The following CCDC148 variants were observed in gnomAD, a reference collection of about 807,000 sequenced individuals.
CCDC148 encodes the protein coiled-coil domain containing 148, also known as coiled-coil domain-containing protein 148.
A neutral mutation model predicts 85.7 loss-of-function variants in CCDC148; 89 were observed. The ratio of observed to expected loss-of-function variants is 1.04; its 90% CI spans 0.87 to 1.24. The LOEUF is 1.24. Among genes scored for constraint, CCDC148 ranks in the 50% most tolerant of loss-of-function variants. CCDC148 has a pLI of 0.00. For missense variants in CCDC148, 692 were observed against 671.7 expected (o/e 1.03, Z -0.33); for synonymous variants, 230 against 213.9 (o/e 1.08, Z -0.66).
chr2:158,289,805 C>A (rs1338660190), intron 9 of CCDC148, among the ~76,000 whole-genome samples: 1 of 152,112 alleles, frequency 6.6e-6, no homozygotes, highest in South Asian at 2.1e-4. Context: ...GTAGAGATAA[C>A]CCAAATGTCT....
chr2:158,363,974 T>C (rs1342746538), intron 1 of CCDC148, among the ~76,000 whole-genome samples: 1 of 152,190 alleles, frequency 6.6e-6, no homozygotes, highest in African/African-American at 2.4e-5. Flanking sequence ...AGTCTCAGGA[T>C]ACAAAATCAA....
At chr2:158,305,494 T>G (rs746592607) in intron 9 of CCDC148, among the ~76,000 whole-genome samples, 1 of 152,026 alleles carries the variant, frequency 6.6e-6, no homozygotes, top group Non-Finnish European at 1.5e-5. Flanking sequence ...ACCTGCAATC[T>G]CCGTGCTTTG....
At chr2:158,360,796 C>A (rs1259422482) in intron 1 of CCDC148, among the ~76,000 whole-genome samples, 47 of 151,852 alleles carry the variant, frequency 3.1e-4, no homozygotes, top group Admixed American at 3.1e-3. Flanking sequence ...ACCTCGTCAG[C>A]AAGGGAACAA....
chr2:158,190,386 G>A (rs964731923), intron 11 of CCDC148, among the ~76,000 whole-genome samples: 3 of 151,920 alleles, frequency 2.0e-5, no homozygotes, highest in African/African-American at 7.3e-5. Flanking sequence ...TTTATACAAA[G>A]TGCCATATAT....
Position 158,340,379 on chromosome 2 carries a change from CT to C in CCDC148, c.348del (p.Glu117AsnfsTer10), listed in dbSNP as rs776415534. On this transcript the variant is annotated frameshift_variant, in exon 5 of 14. Coordinates refer to ENST00000283233, the MANE Select transcript of CCDC148 (RefSeq NM_138803.4). LOFTEE classifies it high-confidence loss of function. ...TTTTTAAGATATGTGCACTGTTGTTCTGATAGCTCTTGCTCTATGGTGAAAC... is the reference window on the plus strand; with the variant it reads ...TTTTTAAGATATGTGCACTGTTGTTCGATAGCTCTTGCTCTATGGTGAAAC... ...CDLTNFEQEL[S>X]EQQCTYLKNV... The C allele has an allele frequency of 9.0e-5, 146 of 1,613,566 alleles. No individual in the cohort carries two copies. The highest frequency in any genetic ancestry group is 1.1e-4 in the Non-Finnish European group (134 of 1,179,858).
chr2:158,197,560 A>G (rs558236638), intron 11 of CCDC148, among the ~76,000 whole-genome samples: 1 of 152,238 alleles, frequency 6.6e-6, no homozygotes, highest in East Asian at 1.9e-4. Flanking sequence ...CCTGTCTAAA[A>G]CCCCATTTCT....
At chr2:158,173,486 G>A (rs1369268111) in intron 13 of CCDC148, among the ~76,000 whole-genome samples, 1 of 152,070 alleles carries the variant, frequency 6.6e-6, no homozygotes, top group Non-Finnish European at 1.5e-5. Flanking sequence ...ATAAATTAAG[G>A]TGGCAGGGAA....
At chr2:158,291,795 G>C (rs1337449361) in intron 9 of CCDC148, among the ~76,000 whole-genome samples, 1 of 152,126 alleles carries the variant, frequency 6.6e-6, no homozygotes, top group Non-Finnish European at 1.5e-5. Context: ...CACAAGGTAG[G>C]TGCACAAAAA....
intron 10 of CCDC148, among the ~76,000 whole-genome samples, chr2:158,223,815 T>C (rs1476608997): frequency 6.6e-6 from 1 of 152,004 alleles, no homozygotes; most frequent in South Asian, 2.1e-4. Context: ...CAAAACCCCA[T>C]CTGTATGTCA....
chr2:158,288,810 A>T (rs1336838443), intron 9 of CCDC148: 1 of 375,302 alleles, frequency 2.7e-6, no homozygotes, highest in South Asian at 2.1e-5. Context: ...GTCCATTTTC[A>T]TGCTGCTGAT....
At chr2:158,266,847 T>C (rs182803297) in intron 9 of CCDC148, among the ~76,000 whole-genome samples, 8 of 148,060 alleles carry the variant, frequency 5.4e-5, no homozygotes, top group African/African-American at 2.0e-4. Context: ...CATATATGTG[T>C]GTGTGTCTGT....
In CCDC148 at chr2:158,295,741, A is replaced by T. The variant is rs1691155253; in HGVS notation, c.1110+13692T>A. ...GACGTATTTCAAAATAATAAGAGCT[A>T]TCTATGACAAACCCACAGCCAATAT... On this transcript the variant is annotated intron_variant, in intron 9 of 13. Coordinates refer to ENST00000283233, the MANE Select transcript of CCDC148 (RefSeq NM_138803.4). Among the ~76,000 whole-genome samples the T allele has an allele frequency of 2.0e-5, 3 of 149,414 alleles. No homozygotes were observed. The Admixed American group carries it at 2.0e-4, about 10-fold the overall frequency.
At position 158,325,468 on chromosome 2, in the gene CCDC148, T is replaced by G. The variant is rs554895624; in HGVS notation, c.765-11574A>C. Among the ~76,000 whole-genome samples the G allele has an allele frequency of 3.3e-5, 5 of 152,334 alleles. No homozygotes were observed. In the South Asian group the frequency reaches 1.0e-3, roughly 32 times the overall value. ...CCTCTTGTCCCTGACATTGTAATGTTGGCAGGCCTAAGGGATCAGTCTTTG... is the reference window on the plus strand; with the variant it reads ...CCTCTTGTCCCTGACATTGTAATGTGGGCAGGCCTAAGGGATCAGTCTTTG... On this transcript the variant is annotated intron_variant, in intron 7 of 13. Coordinates refer to ENST00000283233, the MANE Select transcript of CCDC148 (RefSeq NM_138803.4).
At chr2:158,240,452 T>TCTCACACACACA (rs941238898) in intron 10 of CCDC148, among the ~76,000 whole-genome samples, 1 of 120,468 alleles carries the variant, frequency 8.3e-6, no homozygotes, top group Non-Finnish European at 1.7e-5. Flanking sequence ...TCTCTCTCTC[T>TCTCACACACACA]CACACACACA....
intron 2 of CCDC148, among the ~76,000 whole-genome samples, chr2:158,351,780 G>C (rs1683312474): frequency 6.6e-6 from 1 of 152,034 alleles, no homozygotes. Context: ...GCAGAGCACA[G>C]ACAAACAAAA....
chr2:158,266,712 C>A (rs1689468982), intron 9 of CCDC148, among the ~76,000 whole-genome samples: 1 of 151,994 alleles, frequency 6.6e-6, no homozygotes. Flanking sequence ...CGTGTGAGAA[C>A]ATAAAGTGTT....
chr2:158,425,901 G>A lies in CCDC148; in HGVS notation c.25+30514C>T, dbSNP rs1687055247. Among the ~76,000 whole-genome samples, 4 of 152,150 alleles carry A rather than the reference G, an allele frequency of 2.6e-5. No homozygotes were observed. The South Asian group carries it at 8.3e-4, about 31-fold the overall frequency. On this transcript the variant is annotated intron_variant, in intron 1 of 13. Coordinates refer to ENST00000283233, the MANE Select transcript of CCDC148 (RefSeq NM_138803.4). ...CTGGAAGCTTTCTAGTAGACCATGT[G>A]TCCTCTGGATTGTAACATAATGATT...
chr2:158,260,617 C>A (rs1033239048), intron 9 of CCDC148, among the ~76,000 whole-genome samples: 2 of 152,046 alleles, frequency 1.3e-5, no homozygotes, highest in African/African-American at 4.8e-5. Flanking sequence ...TATAAAAACC[C>A]ATAGTCTCAG....
At chr2:158,358,595 T>A (rs1014090646) in intron 1 of CCDC148, 25 bp from the exon 2 acceptor site, 1 of 1,478,634 alleles carries the variant, frequency 6.8e-7, no homozygotes, top group Admixed American at 2.4e-5. Flanking sequence ...AATAGAAAAA[T>A]GACAAAGAAA....
Sources: allele counts gnomAD v4.1 joint callset (sites outside exome capture counted in the v4.1 genomes callset), GRCh38; gene constraint gnomAD v4.1.1; transcripts MANE v1.5; gene names NCBI Gene and HGNC (gene_info 2026-07-23, HGNC 2026-07-21).